ROBO1: variants seen among roughly 807,000 people sequenced by gnomAD.
ROBO1 encodes the protein roundabout guidance receptor 1.
A neutral mutation model predicts 195.9 loss-of-function variants in ROBO1; 149 were observed. The ratio of observed to expected loss-of-function variants is 0.76; its 90% CI spans 0.67 to 0.87. The LOEUF (loss-of-function observed/expected upper bound fraction) is 0.87. Ranked by LOEUF, ROBO1 falls within the 40% of genes least tolerant of loss-of-function variation. The pLI, the probability that ROBO1 is intolerant of heterozygous loss-of-function variation, is 0.00. For missense variants in ROBO1, 1,933 were observed against 2,068.3 expected (o/e 0.93, Z 1.27); for synonymous variants, 816 against 733.2 (o/e 1.11, Z -1.82).
intron 1 of ROBO1, among the ~76,000 whole-genome samples, chr3:79,705,002 G>C (rs1947725670): frequency 6.6e-6 from 1 of 151,818 alleles, no homozygotes; most frequent in Non-Finnish European, 1.5e-5. Flanking sequence ...GGTGTCTGTT[G>C]AGGTCTTTGT....
intron 1 of ROBO1, among the ~76,000 whole-genome samples, chr3:79,622,184 T>G (rs934730535): frequency 6.6e-6 from 1 of 152,122 alleles, no homozygotes; most frequent in African/African-American, 2.4e-5. Flanking sequence ...GCTTTTTCCA[T>G]GGAACTGTGC....
chr3:79,277,813 G>T (rs1304589434), intron 2 of ROBO1, among the ~76,000 whole-genome samples: 1 of 151,244 alleles, frequency 6.6e-6, no homozygotes, highest in Non-Finnish European at 1.5e-5. Flanking sequence ...ACACTTGGAA[G>T]TCATACCCAG....
chr3:78,811,586 C>CT (rs1559880976), intron 4 of ROBO1, among the ~76,000 whole-genome samples: 1 of 152,066 alleles, frequency 6.6e-6, no homozygotes, highest in Admixed American at 6.6e-5. Context: ...TGATGAGCAC[C>CT]TTTATGATCT....
At chr3:79,598,653 C>A (rs961316354) in intron 1 of ROBO1, among the ~76,000 whole-genome samples, 5 of 151,958 alleles carry the variant, frequency 3.3e-5, no homozygotes, top group African/African-American at 9.7e-5. Flanking sequence ...CCCTCTCTAC[C>A]AGCCCTGGTA....
intron 25 of ROBO1, among the ~76,000 whole-genome samples, chr3:78,628,298 G>A (rs1431165340): frequency 6.6e-6 from 1 of 152,182 alleles, no homozygotes; most frequent in African/African-American, 2.4e-5. Flanking sequence ...AGATATAATG[G>A]AGGTCAACCT....
At chr3:79,016,998 G>C (rs1456296205) in intron 3 of ROBO1, among the ~76,000 whole-genome samples, 2 of 152,160 alleles carry the variant, frequency 1.3e-5, no homozygotes, top group Non-Finnish European at 2.9e-5. Flanking sequence ...AGGCATTACA[G>C]AAGGAGAAGC....
intron 2 of ROBO1, among the ~76,000 whole-genome samples, chr3:79,418,966 T>C (rs2038114722): frequency 6.6e-6 from 1 of 152,094 alleles, no homozygotes. Flanking sequence ...ATGACTAGTG[T>C]TACGATCTTC....
intron 2 of ROBO1, among the ~76,000 whole-genome samples, chr3:79,541,537 T>G (rs1942066461): frequency 6.6e-6 from 1 of 152,162 alleles, no homozygotes; most frequent in Non-Finnish European, 1.5e-5. Context: ...CAGTTGCATA[T>G]ATGCATATAA....
intron 4 of ROBO1, among the ~76,000 whole-genome samples, chr3:78,844,902 A>G (rs1000808187): frequency 2.0e-5 from 3 of 152,046 alleles, no homozygotes; most frequent in Non-Finnish European, 2.9e-5. Context: ...GATTAAGTGC[A>G]CCACCAAATA....
intron 1 of ROBO1, among the ~76,000 whole-genome samples, chr3:79,662,690 T>C (rs1946364005): frequency 6.6e-6 from 1 of 152,108 alleles, no homozygotes; most frequent in South Asian, 2.1e-4. Context: ...TCCCTCTGCC[T>C]CTCAAATTCC....
At chr3:78,910,717 C>T (rs771081438) in intron 4 of ROBO1, among the ~76,000 whole-genome samples, 12 of 151,954 alleles carry the variant, frequency 7.9e-5, no homozygotes, top group Non-Finnish European at 1.8e-4. Flanking sequence ...TGCTCAAATG[C>T]TCGGCAAATA....
At chr3:79,436,481 C>T (rs932585281) in intron 2 of ROBO1, among the ~76,000 whole-genome samples, 37 of 151,920 alleles carry the variant, frequency 2.4e-4, no homozygotes, top group Non-Finnish European at 5.9e-5. Flanking sequence ...TTTCAAAGTG[C>T]TTATATTTAA....
chr3:78,711,344 CTTCCTCCTTCCTTCCTTCCTTCCT>C lies in ROBO1; in HGVS notation c.1045+3029_1045+3052del, dbSNP rs1298030378. ...CTCTCTCTCCTTCCTTCCTTCCTTC[CTTCCTCCTTCCTTCCTTCCTTCCT>C]TCCTTCCTTCCTTCCTTCCTTCCTT... is the stretch of plus-strand genomic sequence containing the variant. On this transcript the variant is annotated intron_variant, in intron 8 of 30. Transcript: ENST00000464233. Among the ~76,000 whole-genome samples the C allele has an allele frequency of 1.5e-4, 13 of 84,154 alleles. 1 individual carries two copies. The highest frequency in any genetic ancestry group is 4.6e-4 in the African/African-American group (8 of 17,424). 55.2% of individuals were successfully genotyped at this position (84,154 alleles called of 152,430 possible).
chr3:79,669,193 G>T (rs536728977), intron 1 of ROBO1, among the ~76,000 whole-genome samples: 57 of 151,918 alleles, frequency 3.8e-4, no homozygotes, highest in Middle Eastern at 6.8e-3. Context: ...AGTCTCATGA[G>T]ATCTGATGGT....
At chr3:79,061,428 A>C (rs1576628406) in intron 3 of ROBO1, among the ~76,000 whole-genome samples, 1 of 152,190 alleles carries the variant, frequency 6.6e-6, no homozygotes, top group African/African-American at 2.4e-5. Flanking sequence ...CATACTTCCC[A>C]AGGTAATTTA....
intron 5 of ROBO1, among the ~76,000 whole-genome samples, chr3:78,735,700 TAA>T (rs1243250775): frequency 2.0e-5 from 3 of 152,168 alleles, no homozygotes; most frequent in Non-Finnish European, 4.4e-5. Flanking sequence ...TAGGAAATAC[TAA>T]ATTTAGAACA....
intron 2 of ROBO1, among the ~76,000 whole-genome samples, chr3:79,230,614 C>A (rs1231073881): frequency 1.3e-5 from 2 of 151,958 alleles, no homozygotes; most frequent in Admixed American, 6.6e-5. Flanking sequence ...AAAGATGACA[C>A]AAATGAGTGG....
intron 1 of ROBO1, among the ~76,000 whole-genome samples, chr3:79,765,193 G>T (rs1362920309): frequency 6.6e-6 from 1 of 152,214 alleles, no homozygotes; most frequent in Non-Finnish European, 1.5e-5. Flanking sequence ...ATTGGAAGAG[G>T]CATGGAGCAG....
intron 2 of ROBO1, among the ~76,000 whole-genome samples, chr3:79,278,189 TC>T (rs1424827992): frequency 6.6e-6 from 1 of 152,024 alleles, no homozygotes; most frequent in Non-Finnish European, 1.5e-5. Context: ...GAAAAGACAT[TC>T]CATGTTCATG....
Sources: allele counts gnomAD v4.1 joint callset (sites outside exome capture counted in the v4.1 genomes callset), GRCh38; gene constraint gnomAD v4.1.1; transcripts MANE v1.5; gene names NCBI Gene and HGNC (gene_info 2026-07-23, HGNC 2026-07-21).